The following SLC71A2 variants were observed in gnomAD, a reference collection of about 807,000 sequenced individuals.
SLC71A2 encodes the protein hippocampus abundant transcript-like 1.
chr9:94,439,634 G>A, the SLC71A2 span, among the ~76,000 whole-genome samples: 6 of 150,150 alleles, frequency 4.0e-5, no homozygotes, highest in Admixed American at 1.3e-4. Context: ...TAAATTTATT[G>A]GGTACTTATA....
At chr9:94,394,793 CA>C in the SLC71A2 span, among the ~76,000 whole-genome samples, 23 of 138,228 alleles carry the variant, frequency 1.7e-4, no homozygotes, top group African/African-American at 5.6e-4. Flanking sequence ...GTGATATAGG[CA>C]AAAAATAGCA....
chr9:94,436,185 G>C, the SLC71A2 span, among the ~76,000 whole-genome samples: 2 of 152,016 alleles, frequency 1.3e-5, no homozygotes, highest in Non-Finnish European at 2.9e-5. Flanking sequence ...TTTCATCCAT[G>C]ATTGGATGAA....
chr9:94,446,268 A>G, the SLC71A2 span, among the ~76,000 whole-genome samples: 8 of 152,232 alleles, frequency 5.3e-5, no homozygotes, highest in Non-Finnish European at 1.2e-4. Context: ...GTTCTATTCA[A>G]CAATCCAATG....
At chr9:94,416,645 G>A in the SLC71A2 span, among the ~76,000 whole-genome samples, 2 of 151,998 alleles carry the variant, frequency 1.3e-5, no homozygotes, top group Admixed American at 6.6e-5. Flanking sequence ...ACCTGAGGTC[G>A]GGAGTTCGAG....
the SLC71A2 span, among the ~76,000 whole-genome samples, chr9:94,420,287 T>C: frequency 2.0e-5 from 3 of 152,166 alleles, no homozygotes; most frequent in East Asian, 5.8e-4. Context: ...TTGACAACAC[T>C]CCAAATCCAA....
chr9:94,388,952 C>T, the SLC71A2 span, among the ~76,000 whole-genome samples: 1 of 152,180 alleles, frequency 6.6e-6, no homozygotes, highest in African/African-American at 2.4e-5. Context: ...TGTTTTCTGA[C>T]CTATCTTCCG....
At chr9:94,386,429 A>G in the SLC71A2 span, among the ~76,000 whole-genome samples, 2 of 151,122 alleles carry the variant, frequency 1.3e-5, no homozygotes, top group Non-Finnish European at 2.9e-5. Context: ...TTAAGGTTAG[A>G]TGGTGGAAAC....
the SLC71A2 span, among the ~76,000 whole-genome samples, chr9:94,458,044 C>CA: frequency 3.9e-5 from 6 of 152,290 alleles, no homozygotes; most frequent in South Asian, 1.2e-3. Flanking sequence ...AGGGAAATCT[C>CA]AGTTGACAGA....
At chr9:94,448,996 A>G in the SLC71A2 span, among the ~76,000 whole-genome samples, 1 of 152,220 alleles carries the variant, frequency 6.6e-6, no homozygotes, top group Non-Finnish European at 1.5e-5. Flanking sequence ...AGAGGGAAGA[A>G]TGGTGAGATA....
chr9:94,455,797 A>G, the SLC71A2 span, among the ~76,000 whole-genome samples: 1 of 152,208 alleles, frequency 6.6e-6, no homozygotes, highest in South Asian at 2.1e-4. Context: ...GGGGCACACC[A>G]TGCTCTCTCT....
the SLC71A2 span, among the ~76,000 whole-genome samples, chr9:94,435,259 A>G: frequency 1.3e-5 from 2 of 152,196 alleles, no homozygotes; most frequent in Non-Finnish European, 2.9e-5. Flanking sequence ...CACTAAATAA[A>G]TAGAAGCAAT....
the SLC71A2 span, among the ~76,000 whole-genome samples, chr9:94,451,235 GTC>G: frequency 2.6e-5 from 4 of 152,122 alleles, no homozygotes. Flanking sequence ...AATAGAAAAT[GTC>G]TATAAAACAT....
chr9:94,431,184 G>T, the SLC71A2 span, among the ~76,000 whole-genome samples: 9 of 152,160 alleles, frequency 5.9e-5, no homozygotes, highest in Admixed American at 5.2e-4. Context: ...GTGGTGGCGG[G>T]CCCCTGTAGT....
At chr9:94,377,116 G>A in the SLC71A2 span, among the ~76,000 whole-genome samples, 4 of 149,284 alleles carry the variant, frequency 2.7e-5, no homozygotes, top group African/African-American at 4.9e-5. Flanking sequence ...GTGTGTGGAC[G>A]TTGGGAGAAC....
the SLC71A2 span, among the ~76,000 whole-genome samples, chr9:94,423,486 T>C: frequency 6.6e-6 from 1 of 152,270 alleles, no homozygotes; most frequent in East Asian, 1.9e-4. Flanking sequence ...TCGCTAGTGG[T>C]CACCCACCAC....
the SLC71A2 span, chr9:94,459,271 ACACAGTAACAGCAGCAGC>A: frequency 1.2e-6 from 2 of 1,614,200 alleles, no homozygotes; most frequent in Non-Finnish European, 1.7e-6. Flanking sequence ...GAGTTCAAAA[ACACAGTAACAGCAGCAGC>A]GGCAGCCTGA....
chr9:94,448,551 G>A, the SLC71A2 span, among the ~76,000 whole-genome samples: 1 of 152,206 alleles, frequency 6.6e-6, no homozygotes, highest in African/African-American at 2.4e-5. Flanking sequence ...ATTTAAAAAT[G>A]AAGTGTATTA....
the SLC71A2 span, among the ~76,000 whole-genome samples, chr9:94,400,381 T>A: frequency 1.3e-5 from 2 of 152,082 alleles, no homozygotes; most frequent in East Asian, 3.9e-4. Flanking sequence ...GAGACAAATA[T>A]AAGTTTTAGG....
chr9:94,388,633 A>G, the SLC71A2 span, among the ~76,000 whole-genome samples: 1 of 152,032 alleles, frequency 6.6e-6, no homozygotes, highest in Admixed American at 6.6e-5. Context: ...AATCGGCTAC[A>G]CAACTTTTAT....
Sources: gnomAD v4.1 joint callset for allele counts (sites outside exome capture counted in the v4.1 genomes callset) on GRCh38, gnomAD v4.1.1 for gene constraint, MANE v1.5 for transcripts, NCBI Gene and HGNC (gene_info 2026-07-23, HGNC 2026-07-21) for gene names.